Variants in PCDH7 observed in about 807,000 individuals in gnomAD.
PCDH7 encodes protocadherin 7.
PCDH7 carries 17 observed loss-of-function variants against 58.9 expected under a neutral mutation model. That is an observed-to-expected ratio of 0.29 (90% CI 0.20 to 0.43). The LOEUF (loss-of-function observed/expected upper bound fraction) is 0.43, where lower values mean the gene tolerates loss of function less well. Ranked by LOEUF, PCDH7 falls within the 20% of genes least tolerant of loss-of-function variation. PCDH7 has a pLI of 1.00. For missense variants in PCDH7, 1,274 were observed against 1,441.0 expected (o/e 0.88, Z 1.88); for synonymous variants, 664 against 616.4 (o/e 1.08, Z -1.14).
chr4:30,874,145 C>T (rs1735971116), intron 1 of PCDH7, among the ~76,000 whole-genome samples: 1 of 151,958 alleles, frequency 6.6e-6, no homozygotes, highest in Admixed American at 6.6e-5. Flanking sequence ...GGCAATTCCT[C>T]AGGGATCTAG....
At chr4:30,751,255 A>G (rs1164696232) in intron 1 of PCDH7, among the ~76,000 whole-genome samples, 1 of 152,216 alleles carries the variant, frequency 6.6e-6, no homozygotes, top group East Asian at 1.9e-4. Context: ...AACGTGGTAA[A>G]ATTAATGCTG....
At chr4:31,063,800 C>A (rs1422612720) in intron 3 of PCDH7, among the ~76,000 whole-genome samples, 1 of 151,904 alleles carries the variant, frequency 6.6e-6, no homozygotes, top group Non-Finnish European at 1.5e-5. Flanking sequence ...ATGAGCATTT[C>A]TAGATGTTAT....
intron 3 of PCDH7, among the ~76,000 whole-genome samples, chr4:31,026,429 C>T (rs1193184749): frequency 1.3e-5 from 2 of 152,076 alleles, no homozygotes; most frequent in Non-Finnish European, 2.9e-5. Flanking sequence ...GTGGGCATAC[C>T]GAAATGAGCA....
chr4:31,100,974 G>T (rs966240599), intron 3 of PCDH7, among the ~76,000 whole-genome samples: 3 of 152,038 alleles, frequency 2.0e-5, no homozygotes, highest in East Asian at 3.9e-4. Flanking sequence ...TACCCTATTT[G>T]CTGTGTTGGT....
chr4:31,082,182 T>G (rs942455735), intron 3 of PCDH7, among the ~76,000 whole-genome samples: 4 of 152,196 alleles, frequency 2.6e-5, no homozygotes, highest in African/African-American at 9.6e-5. Flanking sequence ...TTGTAAAGCC[T>G]AGACTATAGA....
chr4:30,755,249 A>C (rs1353720563), intron 1 of PCDH7, among the ~76,000 whole-genome samples: 1 of 152,234 alleles, frequency 6.6e-6, no homozygotes, highest in East Asian at 1.9e-4. Context: ...AAGTGTTTGA[A>C]AAATTACAGA....
intron 1 of PCDH7, among the ~76,000 whole-genome samples, chr4:30,856,419 A>G (rs1041827774): frequency 9.9e-5 from 15 of 152,094 alleles, no homozygotes; most frequent in African/African-American, 3.6e-4. Flanking sequence ...AGAATTTAGT[A>G]GGTAAAAGAA....
chr4:30,742,915 T>C (rs779707568), intron 1 of PCDH7, among the ~76,000 whole-genome samples: 4 of 152,182 alleles, frequency 2.6e-5, no homozygotes, highest in African/African-American at 4.8e-5. Flanking sequence ...AGGACGCAGA[T>C]ACAGATTTTA....
chr4:31,131,884 T>G (rs1719038792), intron 3 of PCDH7, among the ~76,000 whole-genome samples: 1 of 152,186 alleles, frequency 6.6e-6, no homozygotes, highest in Non-Finnish European at 1.5e-5. Context: ...GGTGTCATAT[T>G]TATTACATTA....
chr4:30,874,259 G>A (rs535785505), intron 1 of PCDH7, among the ~76,000 whole-genome samples: 11 of 151,790 alleles, frequency 7.2e-5, no homozygotes, highest in East Asian at 1.9e-4. Flanking sequence ...TGTTTATTGC[G>A]GCACTATTCA....
chr4:30,897,754 C>T (rs1486418580), intron 1 of PCDH7, among the ~76,000 whole-genome samples: 1 of 152,090 alleles, frequency 6.6e-6, no homozygotes, highest in African/African-American at 2.4e-5. Flanking sequence ...ATAAATTATA[C>T]AGGTTAATAT....
chr4:30,744,756 A>G (rs1282018047), intron 1 of PCDH7, among the ~76,000 whole-genome samples: 1 of 152,172 alleles, frequency 6.6e-6, no homozygotes, highest in African/African-American at 2.4e-5. Context: ...ACTGGAGCTG[A>G]GTTGGGATGT....
chr4:30,778,274 T>C (rs1722334020), intron 1 of PCDH7, among the ~76,000 whole-genome samples: 1 of 152,152 alleles, frequency 6.6e-6, no homozygotes, highest in Non-Finnish European at 1.5e-5. Flanking sequence ...TACATCACGC[T>C]GCACTTATAA....
chr4:31,119,706 G>T (rs1483894897), intron 3 of PCDH7, among the ~76,000 whole-genome samples: 1 of 152,140 alleles, frequency 6.6e-6, no homozygotes, highest in African/African-American at 2.4e-5. Context: ...GATTCTTTCA[G>T]TGTGGGTTAT....
intron 1 of PCDH7, chr4:30,786,740 A>G: frequency 1.0e-6 from 1 of 983,444 alleles, no homozygotes; most frequent in Non-Finnish European, 1.2e-6. Context: ...GATACAGTGC[A>G]GACCATGAAC....
chr4:31,079,667 A>G (rs2109266530), intron 3 of PCDH7, among the ~76,000 whole-genome samples: 1 of 152,076 alleles, frequency 6.6e-6, no homozygotes, highest in South Asian at 2.1e-4. Context: ...AGATAATCAC[A>G]TCCCATAACA....
chr4:31,042,414 A>T (rs1256755948), intron 3 of PCDH7, among the ~76,000 whole-genome samples: 2 of 152,138 alleles, frequency 1.3e-5, no homozygotes, highest in African/African-American at 2.4e-5. Flanking sequence ...GACATGGAGA[A>T]TATTTGATTT....
At chr4:31,128,193 ATCT>A (rs1173000709) in intron 3 of PCDH7, among the ~76,000 whole-genome samples, 2 of 151,990 alleles carry the variant, frequency 1.3e-5, no homozygotes, top group Admixed American at 6.6e-5. Context: ...CTGAAACAAA[ATCT>A]TCTTTAAGTA....
At chr4:30,915,829 CT>C (rs923542444) in intron 1 of PCDH7, among the ~76,000 whole-genome samples, 11 of 152,020 alleles carry the variant, frequency 7.2e-5, no homozygotes, top group Non-Finnish European at 1.0e-4. Context: ...GGCCCTCACC[CT>C]TTTTTTCAAA....
Sources: allele counts gnomAD v4.1 joint callset (sites outside exome capture counted in the v4.1 genomes callset), GRCh38; gene constraint gnomAD v4.1.1; transcripts MANE v1.5; gene names NCBI Gene and HGNC (gene_info 2026-07-23, HGNC 2026-07-21).